Variants in GCC2 observed in about 807,000 individuals in gnomAD.
GCC2 encodes GRIP and coiled-coil domain-containing protein 2.
In GCC2, 120 loss-of-function variants were observed where a neutral mutation model predicts 210.6. The ratio of observed to expected loss-of-function variants is 0.57; its 90% confidence interval spans 0.49 to 0.66. GCC2 has a LOEUF of 0.66. Ranked by LOEUF, GCC2 falls within the 30% of genes least tolerant of loss-of-function variation. The pLI is 0.00. For synonymous variants in GCC2, 703 were observed against 652.7 expected, an observed-to-expected ratio of 1.08 and a Z score of -1.17; for missense variants, 1,868 against 1,871.9, an observed-to-expected ratio of 1.00 and a Z score of 0.04.
intron 21 of GCC2, among the ~76,000 whole-genome samples, chr2:108,498,665 CA>C (rs1255718621): frequency 1.3e-5 from 2 of 152,210 alleles, no homozygotes; most frequent in Admixed American, 6.5e-5. Flanking sequence ...AAATCTTCCT[CA>C]AAGACTTGAA....
intron 22 of GCC2, among the ~76,000 whole-genome samples, chr2:108,500,818 TA>T (rs1428115814): frequency 1.3e-5 from 2 of 152,218 alleles, no homozygotes; most frequent in East Asian, 3.8e-4. Context: ...GTTAGAGACT[TA>T]AATCCCACAC....
chr2:108,469,870 A>T lies in GCC2; in HGVS notation c.541A>T (p.Lys181Ter). The T allele has an allele frequency of 6.2e-7, 1 of 1,612,298 alleles. No individual in the cohort carries two copies. The highest frequency in any genetic ancestry group is 8.5e-7 in the Non-Finnish European group (1 of 1,179,284). Residue 181 changes from lysine (K) to a stop codon, truncating the protein, a stop_gained, in exon 6 of 23, where the codon AAA (lysine) becomes TAA (stop). Transcript: ENST00000309863. LOFTEE classifies it high-confidence loss of function. ...TCAGAACAACTCTGAAGATAATGTT[A>T]AAAAACTACAAGAAGAGATTGAGAA... ...KFQNNSEDNVKKLQEEIEKIR... is the reference protein window; with the variant it reads ...KFQNNSEDNV
chr2:108,451,999 A>G (rs939453171), intron 3 of GCC2, among the ~76,000 whole-genome samples: 25 of 151,898 alleles, frequency 1.6e-4, no homozygotes, highest in African/African-American at 5.8e-4. Context: ...ACCCACCACC[A>G]TGCCTGGCTA....
At chr2:108,473,677 T>G (rs1363715035) in intron 7 of GCC2, among the ~76,000 whole-genome samples, 1 of 152,152 alleles carries the variant, frequency 6.6e-6, no homozygotes, top group Non-Finnish European at 1.5e-5. Context: ...TAAGGGAAGT[T>G]GAAGAGTTTA....
intron 4 of GCC2, among the ~76,000 whole-genome samples, chr2:108,457,773 A>G (rs1480488743): frequency 6.6e-6 from 1 of 152,166 alleles, no homozygotes; most frequent in African/African-American, 2.4e-5. Context: ...TGGTATATAG[A>G]AATGCTACTG....
At chr2:108,498,377 C>G (rs1349326287) in intron 21 of GCC2, among the ~76,000 whole-genome samples, 1 of 151,204 alleles carries the variant, frequency 6.6e-6, no homozygotes, top group African/African-American at 2.4e-5. Flanking sequence ...TTTTATTTTA[C>G]TAGAGGCATG....
rs1249613038 is a variant in GCC2, at chr2:108,472,870, C to T, written c.2831C>T (p.Ser944Phe). ...CCTTCTGTAAAAAATGATCCTCTGT[C>T]TTCAGTAAAAGAGTTGGAAGAAAAA... is the stretch of plus-strand genomic sequence containing the variant. ...KSPSVKNDPL[S>F]SVKELEEKIE... The change falls in exon 7 of 23, where the codon TCT becomes TTT. Residue 944 changes from serine (S) to phenylalanine (F), a missense_variant. This residue lies in a region of GCC2 where 1,847 missense variants were observed against 1,765.2 expected (regional missense o/e 1.05). Coordinates refer to ENST00000309863, the MANE Select transcript of GCC2 (RefSeq NM_181453.4). The T allele has an allele frequency of 1.9e-6, 3 of 1,592,714 alleles. No homozygotes were observed. The highest frequency in any genetic ancestry group is 1.3e-5 in the African/African-American group (1 of 74,186).
intron 22 of GCC2, among the ~76,000 whole-genome samples, chr2:108,506,342 G>GCCAGT (rs1318768996): frequency 6.6e-6 from 1 of 152,198 alleles, no homozygotes; most frequent in Non-Finnish European, 1.5e-5. Flanking sequence ...AATGCCTTAT[G>GCCAGT]CCAGTTGACA....
Position 108,485,772 on chromosome 2 carries a change from T to C in GCC2, c.3714+36T>C, listed in dbSNP as rs758317110. 4 of 1,439,970 alleles carry C rather than the reference T, an allele frequency of 2.8e-6. No homozygotes were observed. In the South Asian group the frequency reaches 4.9e-5, roughly 18 times the overall value. 89.2% of individuals were successfully genotyped at this position (1,439,970 alleles called of 1,614,324 possible). ...TTTTCAGTTTCATATTTAGTACTTA[T>C]TCATAATTTATTTATGAGTAACATT... On this transcript the variant is annotated intron_variant, in intron 14 of 22. Transcript: ENST00000309863.
rs571994673 is a variant in GCC2 at position 108,493,249 on chromosome 2, C to T, written c.4447+459C>T. 2.6e-4 allele frequency: 98 copies of T among 370,498 alleles called. 1 individual carries two copies. The highest frequency in any genetic ancestry group is 1.4e-3 in the Middle Eastern group (1 of 724). The allele number at this position is 370,498 out of a possible 1,614,324, so 23.0% of individuals were successfully genotyped here. A position where few individuals can be genotyped will look rare whatever the true frequency, so the allele number is the denominator to read the frequency against. On this transcript the variant is annotated intron_variant, in intron 19 of 22. Coordinates refer to ENST00000309863, the MANE Select transcript of GCC2 (RefSeq NM_181453.4). ...GGACTACAGGTGCCTGCCACCAGGC[C>T]GGCTAATTTTTTGTATTTTTAGTAG...
At chr2:108,467,405 T>C (rs1257721674) in intron 4 of GCC2, among the ~76,000 whole-genome samples, 1 of 152,240 alleles carries the variant, frequency 6.6e-6, no homozygotes, top group African/African-American at 2.4e-5. Flanking sequence ...ACCTATAGAT[T>C]CTTCTAGATT....
At chr2:108,461,820 T>G (rs1680592150) in intron 4 of GCC2, among the ~76,000 whole-genome samples, 1 of 141,102 alleles carries the variant, frequency 7.1e-6, no homozygotes, top group African/African-American at 2.7e-5. Context: ...TAGGTTTTCT[T>G]TTTTTTTTTC....
At chr2:108,467,696 T>G (rs936189894) in intron 4 of GCC2, among the ~76,000 whole-genome samples, 6 of 152,248 alleles carry the variant, frequency 3.9e-5, no homozygotes, top group African/African-American at 1.4e-4. Context: ...TTAGGATTTT[T>G]GCATTTAGAT....
At position 108,487,802 on chromosome 2, in the gene GCC2, A is replaced by G; in HGVS notation, c.4034A>G (p.Glu1345Gly). The G allele has an allele frequency of 6.2e-7, 1 of 1,612,926 alleles. No individual in the cohort carries two copies. The highest frequency in any genetic ancestry group is 8.5e-7 in the Non-Finnish European group (1 of 1,179,360). ...AAATCTATGTCTCAGGCTGAAACTGAGGGCGCTAAACAAGAAAGGTAAAGT... is the reference window on the plus strand; with the variant it reads ...AAATCTATGTCTCAGGCTGAAACTGGGGGCGCTAAACAAGAAAGGTAAAGT... Reference protein sequence around the residue: ...KNKSMSQAETEGAKQEREHLE... With the variant: ...KNKSMSQAETGGAKQEREHLE... Residue 1345 changes from glutamate (E) to glycine (G), a missense_variant, in exon 17 of 23, where the codon GAG becomes GGG. Around this residue, in one of 3 missense-constraint regions of GCC2, gnomAD observed 1,847 missense variants for 1,765.2 expected, o/e 1.05. Transcript: ENST00000309863.
In GCC2 at chr2:108,460,852, G is replaced by A. The variant is rs371750719; in HGVS notation, c.217-8128G>A. Among the ~76,000 whole-genome samples the A allele has an allele frequency of 3.2e-4, 48 of 152,290 alleles. 1 individual carries two copies. The South Asian group carries it at 9.5e-3, about 30-fold the overall frequency. On this transcript the variant is annotated intron_variant, in intron 4 of 22. Coordinates refer to ENST00000309863, the MANE Select transcript of GCC2 (RefSeq NM_181453.4). ...CTTCCTCCTTGCTTTTCTCATGATA[G>A]TGAGTGACTTCTCATGAGATGTGGT...
At chr2:108,498,038 G>C (rs1682730320) in intron 21 of GCC2, among the ~76,000 whole-genome samples, 2 of 151,978 alleles carry the variant, frequency 1.3e-5, no homozygotes, top group African/African-American at 4.8e-5. Context: ...TCAGTAAATT[G>C]TATATATCAT....
At chr2:108,458,374 CTTTTTTTTTT>C (rs70956257) in intron 4 of GCC2, among the ~76,000 whole-genome samples, 2 of 100,316 alleles carry the variant, frequency 2.0e-5, no homozygotes, top group African/African-American at 3.9e-5. Context: ...TTGTTGCTTT[CTTTTTTTTTT>C]TTTTTTTTTT....
chr2:108,466,694 G>A (rs989053767), intron 4 of GCC2, among the ~76,000 whole-genome samples: 9 of 151,108 alleles, frequency 6.0e-5, no homozygotes, highest in African/African-American at 2.0e-4. Context: ...GGATGGTCCC[G>A]ATCTCCTGAC....
At chr2:108,486,431 A>G (rs201200497) in intron 15 of GCC2, 80 bp from the exon 16 acceptor site, 92 of 1,378,172 alleles carry the variant, frequency 6.7e-5, no homozygotes, top group Admixed American at 8.4e-5. Flanking sequence ...TCTCAAACCT[A>G]AAGTTTGTAT....
Sources: allele counts gnomAD v4.1 joint callset (sites outside exome capture counted in the v4.1 genomes callset), GRCh38; gene constraint gnomAD v4.1.1; regional missense constraint gnomAD v4.1.1; transcripts MANE v1.5; gene names NCBI Gene and HGNC (gene_info 2026-07-23, HGNC 2026-07-21).